Variants in NCAM2 observed in about 807,000 individuals in gnomAD.
NCAM2 encodes the protein neural cell adhesion molecule 2, also known as N-CAM-2.
NCAM2 carries 30 observed loss-of-function variants against 98.1 expected under a neutral mutation model. The observed-to-expected ratio is 0.31, with a 90% CI of 0.23 to 0.41. The LOEUF is 0.41. Ranked by LOEUF, NCAM2 falls within the 10% of genes least tolerant of loss-of-function variation. NCAM2 has a pLI of 1.00. For missense variants in NCAM2, 867 were observed against 1,005.8 expected, an observed-to-expected ratio of 0.86 and a Z score of 1.87; for synonymous variants, 368 against 342.4, an observed-to-expected ratio of 1.07 and a Z score of -0.83.
chr21:21,265,549 A>G (rs2072234720), intron 1 of NCAM2, among the ~76,000 whole-genome samples: 2 of 148,422 alleles, frequency 1.3e-5, no homozygotes, highest in Admixed American at 1.4e-4. Flanking sequence ...GTATATATGT[A>G]TGTATATATG....
At chr21:21,348,630 A>G (rs977307401) in intron 8 of NCAM2, among the ~76,000 whole-genome samples, 2 of 151,956 alleles carry the variant, frequency 1.3e-5, no homozygotes, top group African/African-American at 2.4e-5. Flanking sequence ...AAGACTCATA[A>G]TAGCCAAAGC....
chr21:21,464,954 A>G (rs116767608), intron 12 of NCAM2, among the ~76,000 whole-genome samples: 4,785 of 152,182 alleles, frequency 0.031, 264 homozygotes, highest in African/African-American at 0.11. Context: ...TCTATTCCCA[A>G]TTGGCCTCCC....
intron 1 of NCAM2, among the ~76,000 whole-genome samples, chr21:21,108,668 T>G (rs2066396778): frequency 6.6e-6 from 1 of 152,138 alleles, no homozygotes; most frequent in Non-Finnish European, 1.5e-5. Context: ...AGAGAAGAGC[T>G]GTATTTTCTT....
rs191644604 is a variant in NCAM2, at chr21:21,053,267, A to C, written c.55+54649A>C. Among the ~76,000 whole-genome samples, 22 of 152,160 alleles carry C rather than the reference A, an allele frequency of 1.4e-4. No individual in the cohort carries two copies. The East Asian group carries it at 4.1e-3, about 28-fold the overall frequency. ...TTATAAAAATTTGTGGCGACATCAGAATATGGTTAATAGCTTTTTCTCACT... is the reference window on the plus strand; with the variant it reads ...TTATAAAAATTTGTGGCGACATCAGCATATGGTTAATAGCTTTTTCTCACT... On this transcript the variant is annotated intron_variant, in intron 1 of 17. Transcript: ENST00000400546.
intron 12 of NCAM2, among the ~76,000 whole-genome samples, chr21:21,436,742 T>G (rs1035005812): frequency 2.7e-5 from 4 of 150,578 alleles, no homozygotes; most frequent in African/African-American, 9.8e-5. Flanking sequence ...CCAATAAGTA[T>G]GTGTCTACAG....
chr21:21,467,428 T>TATATATATATATATCTATA (rs1555902035), intron 13 of NCAM2, among the ~76,000 whole-genome samples: 1 of 140,734 alleles, frequency 7.1e-6, no homozygotes, highest in South Asian at 2.2e-4. Flanking sequence ...ATATATCTTT[T>TATATATATATATATCTATA]TATATATATA....
chr21:21,477,910 T>C (rs918115030), intron 15 of NCAM2, among the ~76,000 whole-genome samples: 1 of 152,046 alleles, frequency 6.6e-6, no homozygotes, highest in Non-Finnish European at 1.5e-5. Context: ...AAACATAAAA[T>C]TAGTCACAAA....
At chr21:21,115,756 A>G (rs551311599) in intron 1 of NCAM2, among the ~76,000 whole-genome samples, 2 of 152,220 alleles carry the variant, frequency 1.3e-5, no homozygotes, top group East Asian at 3.9e-4. Flanking sequence ...ATTCTACATT[A>G]TTTTCCTGGG....
intron 1 of NCAM2, among the ~76,000 whole-genome samples, chr21:21,113,265 G>C (rs2066489680): frequency 6.6e-6 from 1 of 152,162 alleles, no homozygotes; most frequent in African/African-American, 2.4e-5. Flanking sequence ...CTGCTCCTTA[G>C]CAGGAATCAC....
rs1046579160 is a variant in NCAM2, at chr21:21,338,604, A to G, written c.1044+70A>G. On this transcript the variant is annotated intron_variant, in intron 8 of 17. Transcript: ENST00000400546. Reference sequence around the variant, plus strand: ...TCAGTATTTTCAATATCATTAAATCACAAATTAGTCTCCAATTTACCTAGT... The same window carrying G: ...TCAGTATTTTCAATATCATTAAATCGCAAATTAGTCTCCAATTTACCTAGT... The G allele has an allele frequency of 1.4e-5, 20 of 1,388,446 alleles. No homozygotes were observed. The African/African-American group carries it at 2.6e-4, about 18-fold the overall frequency. The allele number at this position is 1,388,446 out of a possible 1,614,324, so 86.0% of individuals were successfully genotyped here. A position where few individuals can be genotyped will look rare whatever the true frequency, so the allele number is the denominator to read the frequency against.
At chr21:21,265,551 G>A (rs2072234828) in intron 1 of NCAM2, among the ~76,000 whole-genome samples, 1 of 140,464 alleles carries the variant, frequency 7.1e-6, no homozygotes, top group Non-Finnish European at 1.5e-5. Flanking sequence ...ATATATGTAT[G>A]TATATATGTA....
chr21:21,208,564 A>C (rs2069526902), intron 1 of NCAM2, among the ~76,000 whole-genome samples: 1 of 152,138 alleles, frequency 6.6e-6, no homozygotes, highest in African/African-American at 2.4e-5. Context: ...TAAAATATAC[A>C]TGGTTGTAAG....
intron 8 of NCAM2, among the ~76,000 whole-genome samples, chr21:21,354,775 G>T (rs1026593837): frequency 6.6e-6 from 1 of 152,118 alleles, no homozygotes; most frequent in Non-Finnish European, 1.5e-5. Context: ...TCACTAATGG[G>T]CACTGAGTTT....
chr21:21,407,301 G>A (rs1443821925), intron 9 of NCAM2, among the ~76,000 whole-genome samples: 2 of 152,114 alleles, frequency 1.3e-5, no homozygotes, highest in Non-Finnish European at 2.9e-5. Flanking sequence ...TTATAGACCG[G>A]CGTTATCAAT....
At chr21:21,188,997 T>C (rs1349352077) in intron 1 of NCAM2, among the ~76,000 whole-genome samples, 1 of 152,154 alleles carries the variant, frequency 6.6e-6, no homozygotes, top group African/African-American at 2.4e-5. Context: ...CAGAAACTTA[T>C]GAGAACCCTC....
At chr21:21,053,139 A>AATG (rs752117757) in intron 1 of NCAM2, among the ~76,000 whole-genome samples, 9,071 of 152,178 alleles carry the variant, frequency 0.06, 277 homozygotes, top group East Asian at 0.095. Context: ...TATGGAATTA[A>AATG]GTATTATGGT....
intron 6 of NCAM2, among the ~76,000 whole-genome samples, chr21:21,327,163 C>T (rs538034829): frequency 6.6e-6 from 1 of 152,206 alleles, no homozygotes; most frequent in East Asian, 1.9e-4. Context: ...TGGTGAAATC[C>T]CATGCATGGT....
At chr21:21,419,301 G>T (rs1030117407) in intron 11 of NCAM2, among the ~76,000 whole-genome samples, 4 of 124,724 alleles carry the variant, frequency 3.2e-5, no homozygotes, top group African/African-American at 1.3e-4. Flanking sequence ...AAAGAAATAG[G>T]GAACTTTTTT....
chr21:21,076,385 T>C (rs1245437653), intron 1 of NCAM2, among the ~76,000 whole-genome samples: 1 of 152,216 alleles, frequency 6.6e-6, no homozygotes, highest in Non-Finnish European at 1.5e-5. Context: ...TTTGGGCTTA[T>C]ACTTGCAAAA....
Sources: allele counts gnomAD v4.1 joint callset (sites outside exome capture counted in the v4.1 genomes callset), GRCh38; gene constraint gnomAD v4.1.1; transcripts MANE v1.5; gene names NCBI Gene and HGNC (gene_info 2026-07-23, HGNC 2026-07-21).